PEAK1: variants seen among roughly 807,000 people sequenced by gnomAD.
PEAK1 encodes inactive tyrosine-protein kinase PEAK1.
A neutral mutation model predicts 124.7 loss-of-function variants in PEAK1; 54 were observed. The observed-to-expected ratio is 0.43, with a 90% CI of 0.35 to 0.54. The LOEUF is 0.54. Among genes scored for constraint, PEAK1 ranks in the 20% least tolerant of loss-of-function variants. The pLI is 0.01. For missense variants in PEAK1, 2,046 were observed against 2,134.5 expected, an observed-to-expected ratio of 0.96 and a Z score of 0.82; for synonymous variants, 719 against 760.0, an observed-to-expected ratio of 0.95 and a Z score of 0.89.
At chr15:77,246,094 C>T (rs1455336840) in intron 6 of PEAK1, among the ~76,000 whole-genome samples, 6 of 150,478 alleles carry the variant, frequency 4.0e-5, no homozygotes, top group South Asian at 2.1e-4. Flanking sequence ...CTGCAACCTC[C>T]GCCTCCAGGG....
Position 77,257,064 on chromosome 15 carries a change from T to G in PEAK1, c.-274-4538A>C, listed in dbSNP as rs142017309. ...CTACAAAGGACATGAACTCCTCATTTTTTATGGCTGCATAGTATTCCATGG... is the reference window on the plus strand; with the variant it reads ...CTACAAAGGACATGAACTCCTCATTGTTTATGGCTGCATAGTATTCCATGG... On this transcript the variant is annotated intron_variant, in intron 5 of 9. Transcript: ENST00000682557. Among the ~76,000 whole-genome samples the G allele has an allele frequency of 4.5e-3, 691 of 152,322 alleles. 4 individuals carry two copies. The highest frequency in any genetic ancestry group is 0.015 in the African/African-American group (637 of 41,564).
At chr15:77,340,953 G>C (rs1023190596) in intron 2 of PEAK1, among the ~76,000 whole-genome samples, 20 of 151,068 alleles carry the variant, frequency 1.3e-4, no homozygotes, top group Middle Eastern at 3.4e-3. Flanking sequence ...TACAATTATA[G>C]CTTTTTTTTT....
intron 6 of PEAK1, among the ~76,000 whole-genome samples, chr15:77,189,212 A>C (rs1335854895): frequency 6.6e-6 from 1 of 152,176 alleles, no homozygotes; most frequent in Non-Finnish European, 1.5e-5. Flanking sequence ...AAAAAACAAA[A>C]CAAAACAAAC....
At chr15:77,330,446 A>G (rs1327400198) in intron 2 of PEAK1, among the ~76,000 whole-genome samples, 1 of 152,044 alleles carries the variant, frequency 6.6e-6, no homozygotes, top group African/African-American at 2.4e-5. Flanking sequence ...AAACCCTACA[A>G]TGGCTTCTCA....
chr15:77,361,326 T>C (rs2067872254), intron 2 of PEAK1, among the ~76,000 whole-genome samples: 1 of 152,028 alleles, frequency 6.6e-6, no homozygotes, highest in African/African-American at 2.4e-5. Flanking sequence ...TGTAGTCCTG[T>C]CTACTTAGGA....
At chr15:77,136,479 A>C (rs2053339347) in intron 8 of PEAK1, among the ~76,000 whole-genome samples, 1 of 152,078 alleles carries the variant, frequency 6.6e-6, no homozygotes, top group African/African-American at 2.4e-5. Flanking sequence ...CAGCCTGGCC[A>C]ACATGGTGAA....
At chr15:77,390,434 G>A (rs2070358619) in intron 1 of PEAK1, among the ~76,000 whole-genome samples, 1 of 152,192 alleles carries the variant, frequency 6.6e-6, no homozygotes, top group African/African-American at 2.4e-5. Flanking sequence ...CCTGACACAT[G>A]GTGATGGATG....
Position 77,115,000 on chromosome 15 carries a change from A to C in PEAK1, c.4397T>G (p.Val1466Gly), listed in dbSNP as rs764237970. 2 of 1,613,612 alleles carry C rather than the reference A, an allele frequency of 1.2e-6. No homozygotes were observed. Among genetic ancestry groups the C allele is most frequent in the East Asian group, 4.5e-5 (2 of 44,846 alleles). The change falls in exon 10 of 10, where the codon GTT becomes GGT. Residue 1466 changes from valine to glycine, a missense_variant. Coordinates refer to ENST00000682557, the MANE Select transcript of PEAK1 (RefSeq NM_001385026.1). ...RSHVVVITRE[V>G]PCLTVADFVR... ...AAAATCAGCCACAGTAAGACATGGAACCTCCCTGGTGATGACCACAACGTG... is the reference window on the plus strand; with the variant it reads ...AAAATCAGCCACAGTAAGACATGGACCCTCCCTGGTGATGACCACAACGTG...
intron 6 of PEAK1, among the ~76,000 whole-genome samples, chr15:77,243,795 C>T (rs2060458248): frequency 6.6e-6 from 1 of 152,034 alleles, no homozygotes; most frequent in Non-Finnish European, 1.5e-5. Flanking sequence ...CATGCAGAAA[C>T]TCATCTCTAT....
intron 2 of PEAK1, chr15:77,349,843 A>G: frequency 1.0e-6 from 1 of 985,448 alleles, no homozygotes; most frequent in African/African-American, 1.7e-5. Context: ...AATTAAAAGA[A>G]AAGGATTCAA....
At chr15:77,301,276 A>G (rs963947745) in intron 2 of PEAK1, among the ~76,000 whole-genome samples, 1 of 152,116 alleles carries the variant, frequency 6.6e-6, no homozygotes, top group Non-Finnish European at 1.5e-5. Context: ...CTGACTTCAC[A>G]TGGCATTCTC....
At chr15:77,213,973 G>T (rs2059025623) in intron 6 of PEAK1, among the ~76,000 whole-genome samples, 1 of 152,136 alleles carries the variant, frequency 6.6e-6, no homozygotes, top group South Asian at 2.1e-4. Context: ...ACTTTAATCT[G>T]CTGTCAGTCA....
chr15:77,342,256 T>A (rs978719204), intron 2 of PEAK1, among the ~76,000 whole-genome samples: 1 of 151,656 alleles, frequency 6.6e-6, no homozygotes, highest in Admixed American at 6.6e-5. Flanking sequence ...GTGAAACACA[T>A]CTCCAGAACT....
intron 5 of PEAK1, among the ~76,000 whole-genome samples, chr15:77,270,764 C>A (rs150148261): frequency 0.033 from 4,968 of 152,192 alleles, 273 homozygotes; most frequent in African/African-American, 0.11. Context: ...TTACCTTGGG[C>A]AGTATGGCCA....
upstream of PEAK1, chr15:77,420,109 A>G (rs1232708790): frequency 6.7e-6 from 1 of 149,968 alleles, no homozygotes; most frequent in African/African-American, 2.4e-5. Context: ...CTGACTAACA[A>G]CAACTAACTA....
intron 1 of PEAK1, among the ~76,000 whole-genome samples, chr15:77,368,516 T>C (rs2068419544): frequency 6.8e-6 from 1 of 147,424 alleles, no homozygotes. Flanking sequence ...AGATGCCATC[T>C]CAAAAAAAAA....
At position 77,115,142 on chromosome 15, in the gene PEAK1, C is replaced by T; in HGVS notation, c.4255G>A (p.Glu1419Lys). Reference protein sequence around the residue: ...DDPEKDEDDMEETEEDAKGET... With the variant: ...DDPEKDEDDMKETEEDAKGET... ...CCTTTGGCGTCTTCTTCAGTCTCTT[C>T]CATGTCATCCTCATCCTTTTCAGGG... Residue 1419 changes from glutamate (E) to lysine (K), a missense_variant, in exon 10 of 10, where the codon GAA becomes AAA. Physicochemically the swap from Glu to Lys is moderately conservative, Grantham distance 56 (BLOSUM62 1). Coordinates refer to ENST00000682557, the MANE Select transcript of PEAK1 (RefSeq NM_001385026.1). 6.2e-7 allele frequency: 1 copy of T among 1,614,136 alleles called. No individual in the cohort carries two copies. The highest frequency in any genetic ancestry group is 1.1e-5 in the South Asian group (1 of 91,088).
chr15:77,107,149 C>G (rs2050763670), downstream of PEAK1: 1 of 152,348 alleles, frequency 6.6e-6, no homozygotes, highest in African/African-American at 2.4e-5. Context: ...CTACTTTTTT[C>G]TTTGCTTCCT....
At chr15:77,176,255 TAAG>T (rs1259368200) in intron 7 of PEAK1, among the ~76,000 whole-genome samples, 2 of 31,106 alleles carry the variant, frequency 6.4e-5, no homozygotes, top group Non-Finnish European at 1.5e-4. Flanking sequence ...AGTATAATAA[TAAG>T]AAGAAAAAAA....
Sources: gnomAD v4.1 joint callset for allele counts (sites outside exome capture counted in the v4.1 genomes callset) on GRCh38, gnomAD v4.1.1 for gene constraint, MANE v1.5 for transcripts, NCBI Gene and HGNC (gene_info 2026-07-23, HGNC 2026-07-21) for gene names.